Variants in MAP2K1 observed in about 807,000 individuals in gnomAD.
The protein encoded by MAP2K1 is mitogen-activated protein kinase kinase 1.
MAP2K1 carries 16 observed loss-of-function variants against 46.3 expected under a neutral mutation model. The observed-to-expected ratio is 0.35, with a 90% CI of 0.23 to 0.52. The LOEUF (loss-of-function observed/expected upper bound fraction) is 0.52. MAP2K1 is among the 20% of genes least tolerant of loss of function. The pLI is 0.94. For missense variants in MAP2K1, 263 were observed against 497.1 expected (o/e 0.53, Z 4.48); for synonymous variants, 183 against 185.6 (o/e 0.99, Z 0.11).
intron 1 of MAP2K1, among the ~76,000 whole-genome samples, chr15:66,400,632 T>C (rs1256506412): frequency 6.6e-6 from 1 of 152,196 alleles, no homozygotes; most frequent in African/African-American, 2.4e-5. Context: ...TTGCTCAGAA[T>C]CCCAAGAGAG....
chr15:66,435,574 C>T (rs138720053), intron 2 of MAP2K1, among the ~76,000 whole-genome samples: 95 of 152,132 alleles, frequency 6.2e-4, no homozygotes, highest in African/African-American at 2.2e-3. Flanking sequence ...GTGATACGCC[C>T]GCCTCAGCCC....
chr15:66,411,871 C>T (rs2093412085), intron 1 of MAP2K1, among the ~76,000 whole-genome samples: 1 of 152,194 alleles, frequency 6.6e-6, no homozygotes, highest in South Asian at 2.1e-4. Context: ...ATAACAGTCC[C>T]TTGTGATACA....
chr15:66,402,447 A>G (rs185068113), intron 1 of MAP2K1, among the ~76,000 whole-genome samples: 2 of 152,338 alleles, frequency 1.3e-5, no homozygotes, highest in East Asian at 3.9e-4. Context: ...ATTTTTATCT[A>G]CTAAAACTTT....
At position 66,396,205 on chromosome 15, in the gene MAP2K1, A is replaced by G. The variant is rs544809536; in HGVS notation, c.80+8778A>G. Among the ~76,000 whole-genome samples, 414 of 152,220 alleles carry G rather than the reference A, an allele frequency of 2.7e-3. 1 individual carries two copies. Among genetic ancestry groups the G allele is most frequent in the African/African-American group, 9.6e-3 (400 of 41,540 alleles). The stretch of plus-strand genomic sequence containing the variant: ...ATTTTTAGTACAAAATTTAAAAATG[A>G]TGGCCTCGATGTCGTGATCCGCCCT... On this transcript the variant is annotated intron_variant, in intron 1 of 10. Coordinates refer to ENST00000307102, the MANE Select transcript of MAP2K1 (RefSeq NM_002755.4).
At chr15:66,438,979 C>G (rs1228594899) in intron 3 of MAP2K1, among the ~76,000 whole-genome samples, 1 of 152,110 alleles carries the variant, frequency 6.6e-6, no homozygotes, top group Non-Finnish European at 1.5e-5. Flanking sequence ...GCTGCCGGAG[C>G]GTCTAGATGG....
chr15:66,476,689 C>G (rs576229402), intron 5 of MAP2K1, among the ~76,000 whole-genome samples: 2 of 152,244 alleles, frequency 1.3e-5, no homozygotes, highest in South Asian at 4.1e-4. Context: ...GGACTGTGCT[C>G]TGAGGCAGAG....
At chr15:66,401,180 T>C (rs1345143490) in intron 1 of MAP2K1, among the ~76,000 whole-genome samples, 1 of 152,324 alleles carries the variant, frequency 6.6e-6, no homozygotes, top group South Asian at 2.1e-4. Flanking sequence ...CAGATTCTTA[T>C]TATTTAATGA....
intron 5 of MAP2K1, among the ~76,000 whole-genome samples, chr15:66,456,211 G>T (rs1371083351): frequency 6.6e-6 from 1 of 152,170 alleles, no homozygotes; most frequent in African/African-American, 2.4e-5. Context: ...TGTCCTCCAG[G>T]AGCTTAGAGT....
At chr15:66,490,220 C>A in intron 10 of MAP2K1, 2 of 573,268 alleles carry the variant, frequency 3.5e-6, no homozygotes, top group Admixed American at 2.9e-5. Flanking sequence ...TTTCTTTGTC[C>A]CTTCTAACAA....
chr15:66,474,777 C>T (rs1892718213), intron 5 of MAP2K1, among the ~76,000 whole-genome samples: 2 of 151,954 alleles, frequency 1.3e-5, no homozygotes, highest in African/African-American at 4.8e-5. Flanking sequence ...GTTTATAATG[C>T]TTACCTCACA....
intron 5 of MAP2K1, among the ~76,000 whole-genome samples, chr15:66,466,437 C>T (rs139051322): frequency 0.01 from 1,531 of 151,804 alleles, 55 homozygotes; most frequent in Admixed American, 0.063. Context: ...ACAGCACTTT[C>T]GGAGGCTGAG....
At chr15:66,471,906 G>A (rs1445415253) in intron 5 of MAP2K1, among the ~76,000 whole-genome samples, 2 of 151,468 alleles carry the variant, frequency 1.3e-5, no homozygotes, top group Non-Finnish European at 2.9e-5. Flanking sequence ...GTGAAACCCC[G>A]TCTCTACTAA....
At chr15:66,400,038 CTTT>C (rs1759158690) in intron 1 of MAP2K1, among the ~76,000 whole-genome samples, 1 of 152,114 alleles carries the variant, frequency 6.6e-6, no homozygotes, top group South Asian at 2.1e-4. Flanking sequence ...CTTTATGAAT[CTTT>C]TTCTTATTAG....
At chr15:66,419,376 C>A (rs1298917921) in intron 1 of MAP2K1, among the ~76,000 whole-genome samples, 1 of 151,388 alleles carries the variant, frequency 6.6e-6, no homozygotes, top group African/African-American at 2.4e-5. Flanking sequence ...AAAAATTAGT[C>A]GGGCGTGGTG....
chr15:66,420,865 A>G (rs796642059), intron 1 of MAP2K1, among the ~76,000 whole-genome samples: 3 of 134,494 alleles, frequency 2.2e-5, no homozygotes, highest in Non-Finnish European at 4.8e-5. Context: ...GTGTGTATAT[A>G]TATGTGTGTA....
At chr15:66,415,998 C>T (rs992191185) in intron 1 of MAP2K1, among the ~76,000 whole-genome samples, 1 of 152,108 alleles carries the variant, frequency 6.6e-6, no homozygotes, top group Non-Finnish European at 1.5e-5. Context: ...CCTAGCTCCC[C>T]ACTCGCCTTC....
intron 3 of MAP2K1, among the ~76,000 whole-genome samples, chr15:66,437,346 G>GGA (rs1306975847): frequency 6.6e-6 from 1 of 152,182 alleles, no homozygotes; most frequent in Non-Finnish European, 1.5e-5. Context: ...AGAGGGCAAT[G>GGA]GAGAGAGAGG....
At chr15:66,490,043 G>C in intron 10 of MAP2K1, 3 of 568,504 alleles carry the variant, frequency 5.3e-6, no homozygotes, top group Admixed American at 3.0e-5. Context: ...ATGGGGATGC[G>C]GCCTTTCCCT....
At chr15:66,443,885 T>C (rs1891788161) in intron 4 of MAP2K1, among the ~76,000 whole-genome samples, 1 of 151,964 alleles carries the variant, frequency 6.6e-6, no homozygotes, top group Admixed American at 6.6e-5. Flanking sequence ...AACAACTCTT[T>C]ATACCATGTA....
Sources: gnomAD v4.1 joint callset for allele counts (sites outside exome capture counted in the v4.1 genomes callset) on GRCh38, gnomAD v4.1.1 for gene constraint, MANE v1.5 for transcripts, NCBI Gene and HGNC (gene_info 2026-07-23, HGNC 2026-07-21) for gene names.